PRKN: variants seen among roughly 807,000 people sequenced by gnomAD.
PRKN encodes the protein E3 ubiquitin-protein ligase parkin.
A neutral mutation model predicts 59.5 loss-of-function variants in PRKN; 56 were observed. The ratio of observed to expected loss-of-function variants is 0.94; its 90% confidence interval spans 0.76 to 1.18. The LOEUF (loss-of-function observed/expected upper bound fraction) is 1.18. Among genes scored for constraint, PRKN ranks in the 50% most tolerant of loss-of-function variants. The pLI, the probability that PRKN is intolerant of heterozygous loss-of-function variation, is 0.00. For synonymous variants in PRKN, 250 were observed against 222.1 expected, an observed-to-expected ratio of 1.13 and a Z score of -1.12; for missense variants, 657 against 596.4, an observed-to-expected ratio of 1.10 and a Z score of -1.06.
chr6:161,782,763 A>C (rs1365122080), intron 7 of PRKN, among the ~76,000 whole-genome samples: 1 of 151,946 alleles, frequency 6.6e-6, no homozygotes, highest in African/African-American at 2.4e-5. Flanking sequence ...GCATGGTGGC[A>C]TGCACCTGTA....
chr6:161,774,396 AC>A (rs1789830363), intron 7 of PRKN, among the ~76,000 whole-genome samples: 1 of 107,214 alleles, frequency 9.3e-6, no homozygotes, highest in Non-Finnish European at 2.3e-5. Context: ...ACACACACAC[AC>A]ACACACACAC....
At chr6:161,772,829 C>T (rs1297653168) in intron 7 of PRKN, among the ~76,000 whole-genome samples, 1 of 151,836 alleles carries the variant, frequency 6.6e-6, no homozygotes, top group Non-Finnish European at 1.5e-5. Context: ...ATATATATAA[C>T]AAAAATAAGA....
chr6:162,184,942 C>T (rs183431474), intron 4 of PRKN, among the ~76,000 whole-genome samples: 1 of 152,058 alleles, frequency 6.6e-6, no homozygotes, highest in Non-Finnish European at 1.5e-5. Flanking sequence ...AACTCTTATA[C>T]ACAAAACTGT....
chr6:161,370,480 T>C (rs933400855), intron 10 of PRKN, among the ~76,000 whole-genome samples: 2 of 147,456 alleles, frequency 1.4e-5, no homozygotes, highest in Admixed American at 1.4e-4. Flanking sequence ...TAGTCCCACC[T>C]ACTTGGGAGG....
chr6:162,680,408 C>T (rs1212355582), intron 1 of PRKN, among the ~76,000 whole-genome samples: 1 of 149,254 alleles, frequency 6.7e-6, no homozygotes, highest in African/African-American at 2.5e-5. Flanking sequence ...TATATATGTA[C>T]ACACATACAG....
At chr6:162,266,920 G>A (rs998943984) in intron 2 of PRKN, among the ~76,000 whole-genome samples, 2 of 152,118 alleles carry the variant, frequency 1.3e-5, no homozygotes, top group African/African-American at 4.8e-5. Flanking sequence ...GGCAGAATAA[G>A]CAGAAGCTAT....
chr6:161,571,978 T>A (rs2115487262), intron 7 of PRKN, among the ~76,000 whole-genome samples: 1 of 152,300 alleles, frequency 6.6e-6, no homozygotes, highest in South Asian at 2.1e-4. Flanking sequence ...CTGCTGCCCC[T>A]AGTTGTCAGG....
intron 7 of PRKN, among the ~76,000 whole-genome samples, chr6:161,647,082 T>G (rs1004806957): frequency 2.0e-5 from 3 of 152,230 alleles, no homozygotes; most frequent in Non-Finnish European, 4.4e-5. Flanking sequence ...TAATGTAATA[T>G]GGTGCAGGGG....
At chr6:161,904,041 C>G (rs377606304) in intron 6 of PRKN, among the ~76,000 whole-genome samples, 1 of 151,876 alleles carries the variant, frequency 6.6e-6, no homozygotes. Context: ...CAGACACACC[C>G]CATGGAATGA....
At chr6:161,994,031 G>A (rs1342507939) in intron 5 of PRKN, among the ~76,000 whole-genome samples, 1 of 152,050 alleles carries the variant, frequency 6.6e-6, no homozygotes, top group East Asian at 1.9e-4. Context: ...TCTAACATTG[G>A]TGATGAAATT....
At chr6:161,774,270 C>T (rs950089493) in intron 7 of PRKN, among the ~76,000 whole-genome samples, 6 of 152,006 alleles carry the variant, frequency 3.9e-5, no homozygotes, top group Admixed American at 2.0e-4. Context: ...TGTTATGTTT[C>T]GCCCTCCTCT....
intron 4 of PRKN, among the ~76,000 whole-genome samples, chr6:162,199,658 G>C (rs76769035): frequency 6.6e-6 from 1 of 152,148 alleles, no homozygotes; most frequent in Non-Finnish European, 1.5e-5. Context: ...CAGGAGAGCT[G>C]CCCAAGAACT....
chr6:162,138,721 G>A (rs943009786), intron 4 of PRKN, among the ~76,000 whole-genome samples: 2 of 151,942 alleles, frequency 1.3e-5, no homozygotes, highest in East Asian at 1.9e-4. Context: ...TGTAATATAT[G>A]GAGAGAAAAA....
chr6:161,839,895 G>A (rs1792913737), intron 6 of PRKN, among the ~76,000 whole-genome samples: 1 of 152,204 alleles, frequency 6.6e-6, no homozygotes, highest in African/African-American at 2.4e-5. Flanking sequence ...ACAGTTTTAA[G>A]GGAGCTTTAG....
chr6:161,521,238 T>C (rs1157989734), intron 9 of PRKN, among the ~76,000 whole-genome samples: 1 of 152,194 alleles, frequency 6.6e-6, no homozygotes, highest in African/African-American at 2.4e-5. Flanking sequence ...AGTGACCATA[T>C]ATGAGCAACG....
At chr6:161,953,354 C>T (rs1780056706) in intron 6 of PRKN, among the ~76,000 whole-genome samples, 1 of 152,192 alleles carries the variant, frequency 6.6e-6, no homozygotes, top group South Asian at 2.1e-4. Context: ...GGGTGATCCA[C>T]CTGCCTCGGC....
intron 3 of PRKN, among the ~76,000 whole-genome samples, chr6:162,261,929 C>T (rs1456698603): frequency 6.6e-6 from 1 of 152,158 alleles, no homozygotes; most frequent in African/African-American, 2.4e-5. Context: ...TACCAGCCCA[C>T]AACTGCCAGG....
At chr6:161,415,001 G>C (rs1787771895) in intron 9 of PRKN, among the ~76,000 whole-genome samples, 3 of 152,182 alleles carry the variant, frequency 2.0e-5, no homozygotes, top group African/African-American at 7.2e-5. Context: ...CCATTCTGCG[G>C]AGCGTCACCT....
intron 1 of PRKN, among the ~76,000 whole-genome samples, chr6:162,673,677 C>T (rs1038517782): frequency 3.3e-5 from 5 of 152,152 alleles, no homozygotes; most frequent in African/African-American, 4.8e-5. Flanking sequence ...TGAGCCAACA[C>T]GCCCAGCCTA....
Sources: gnomAD v4.1 joint callset for allele counts (sites outside exome capture counted in the v4.1 genomes callset) on GRCh38, gnomAD v4.1.1 for gene constraint, MANE v1.5 for transcripts, NCBI Gene and HGNC (gene_info 2026-07-23, HGNC 2026-07-21) for gene names.